FANCA: variants seen among roughly 807,000 people sequenced by gnomAD.
FANCA encodes the protein FA complementation group A, also known as Fanconi anemia group A protein.
FANCA carries 236 observed loss-of-function variants against 194.3 expected under a neutral mutation model. The ratio of observed to expected loss-of-function variants is 1.21; its 90% CI spans 1.09 to 1.35. The LOEUF (loss-of-function observed/expected upper bound fraction) is 1.35, where lower values mean the gene tolerates loss of function less well. Among genes scored for constraint, FANCA ranks in the 40% most tolerant of loss-of-function variants. The probability of loss-of-function intolerance (pLI) is 0.00; values close to 1 mark genes in which losing one functional copy is unlikely to be tolerated. For missense variants in FANCA, 2,628 were observed against 1,813.9 expected, an observed-to-expected ratio of 1.45 and a Z score of -8.15; for synonymous variants, 1,014 against 715.8, an observed-to-expected ratio of 1.42 and a Z score of -6.65.
Position 89,748,689 on chromosome 16 carries a change from C to T in FANCA, c.3318G>A (p.Glu1106=), listed in dbSNP as rs756244004. 6.2e-7 allele frequency: 1 copy of T among 1,614,130 alleles called. No individual in the cohort carries two copies. Residue 1106 remains glutamate, a synonymous_variant, in exon 33 of 43, where the codon GAG becomes GAA. Transcript: ENST00000389301. ...CAGAGTTGACCAAGTGGAAGAACTG[C>T]TCGCATCTGGCAGTGATGGGCTGTT... is the stretch of plus-strand genomic sequence containing the variant. ...QAEQPITARC[E]QFFHLVNSEM...
rs115396613 is a variant in FANCA, at chr16:89,740,952, G to C, written c.3766-86C>G. ...AAGGCTGACACATTCCTCTTTAATT[G>C]AAATTTTTTACATCTAGGCCATAAA... On this transcript the variant is annotated intron_variant, in intron 37 of 42. Coordinates refer to ENST00000389301, the MANE Select transcript of FANCA (RefSeq NM_000135.4). The C allele has an allele frequency of 2.6e-4, 331 of 1,273,582 alleles. 2 individuals carry two copies. The African/African-American group carries it at 4.2e-3, about 16-fold the overall frequency. 78.9% of individuals were successfully genotyped at this position (1,273,582 alleles called of 1,614,324 possible).
intron 31 of FANCA, among the ~76,000 whole-genome samples, chr16:89,751,315 C>T (rs1040093863): frequency 6.6e-6 from 1 of 152,166 alleles, no homozygotes; most frequent in Non-Finnish European, 1.5e-5. Context: ...GCCTGGGCAA[C>T]ATGGCAAAAC....
intron 35 of FANCA, among the ~76,000 whole-genome samples, chr16:89,745,872 G>C (rs555815519): frequency 3.3e-5 from 5 of 152,370 alleles, no homozygotes; most frequent in East Asian, 1.9e-4. Flanking sequence ...CCTCAGCTGA[G>C]AGGTGGCGTT....
rs1362930610 is a variant in FANCA, at chr16:89,740,569, G to A, written c.3828+235C>T. ...GAGAATTGCTTGAACCCAGGAGGCTGAGGTTGCAGTGAGCTGAGATCACAC... is the reference window on the plus strand; with the variant it reads ...GAGAATTGCTTGAACCCAGGAGGCTAAGGTTGCAGTGAGCTGAGATCACAC... On this transcript the variant is annotated intron_variant, in intron 38 of 42. Coordinates refer to ENST00000389301, the MANE Select transcript of FANCA (RefSeq NM_000135.4). The A allele has an allele frequency of 2.0e-5, 11 of 550,982 alleles. No individual in the cohort carries two copies. The South Asian group carries it at 2.1e-4, about 11-fold the overall frequency. 34.1% of individuals were successfully genotyped at this position (550,982 alleles called of 1,614,324 possible). A position where few individuals can be genotyped will look rare whatever the true frequency, so the allele number is the denominator to read the frequency against.
Position 89,799,633 on chromosome 16 carries a change from C to G in FANCA, c.798G>C (p.Thr266=), listed in dbSNP as rs767444643. 6.2e-7 allele frequency: 1 copy of G among 1,613,078 alleles called. No homozygotes were observed. The highest frequency in any genetic ancestry group is 8.5e-7 in the Non-Finnish European group (1 of 1,179,176). ...TCAGCATTCTCTGCAGTACATCAAC[C>G]GTGACCTGTCAAAATAGAATGTGAG... is the stretch of plus-strand genomic sequence containing the variant. ...TVEPEKMPQV[T]VDVLQRMLIF... is the part of the protein sequence containing the mutation. The change falls in exon 9 of 43, where the codon ACG becomes ACC. Residue 266 remains threonine, a synonymous_variant. Transcript: ENST00000389301.
intron 30 of FANCA, among the ~76,000 whole-genome samples, chr16:89,757,385 C>G (rs2143213404): frequency 6.6e-6 from 1 of 152,286 alleles, no homozygotes; most frequent in East Asian, 1.9e-4. Flanking sequence ...AGCCTCCATA[C>G]CTTCTGTGAG....
At chr16:89,802,395 C>A (rs1271120460) in intron 8 of FANCA, among the ~76,000 whole-genome samples, 1 of 151,802 alleles carries the variant, frequency 6.6e-6, no homozygotes, top group Middle Eastern at 3.4e-3. Context: ...AGCCATTGAG[C>A]CCAACCTCAG....
intron 6 of FANCA, among the ~76,000 whole-genome samples, chr16:89,806,302 G>T (rs924253956): frequency 1.3e-5 from 2 of 150,210 alleles, no homozygotes; most frequent in African/African-American, 4.9e-5. Flanking sequence ...GTGCTCCACA[G>T]TCAGTCAGGT....
At chr16:89,761,434 A>AAG (rs2038950535) in intron 29 of FANCA, among the ~76,000 whole-genome samples, 1 of 151,558 alleles carries the variant, frequency 6.6e-6, no homozygotes, top group Non-Finnish European at 1.5e-5. Context: ...AAAAAAAAAA[A>AAG]AAAGAAAAAC....
chr16:89,774,316 AGGGGAAGGAGGATCCTG>A lies in FANCA; in HGVS notation c.1901-949_1901-933del, dbSNP rs373122142. Among the ~76,000 whole-genome samples, 773 of 152,214 alleles carry A rather than the reference AGGGGAAGGAGGATCCTG, an allele frequency of 5.1e-3. 4 individuals carry two copies. The highest frequency in any genetic ancestry group is 8.3e-3 in the Non-Finnish European group (562 of 68,008). Reference sequence around the variant, plus strand: ...CAAAAGCTACGAACAAGTGGACCCCAGGGGAAGGAGGATCCTGGGGGAAGGAGGACACCTCTCAAGAG... The same window carrying A: ...CAAAAGCTACGAACAAGTGGACCCCAGGGGAAGGAGGACACCTCTCAAGAG... On this transcript the variant is annotated intron_variant, in intron 21 of 42. Transcript: ENST00000389301.
At chr16:89,751,430 C>G (rs965422903) in intron 31 of FANCA, among the ~76,000 whole-genome samples, 2 of 152,116 alleles carry the variant, frequency 1.3e-5, no homozygotes, top group African/African-American at 4.8e-5. Flanking sequence ...TATGATCGCA[C>G]CACTGTACTC....
Position 89,764,995 on chromosome 16 carries a change from A to G in FANCA, c.2673T>C (p.Leu891=). The G allele has an allele frequency of 6.2e-7, 1 of 1,614,234 alleles. No homozygotes were observed. The highest frequency in any genetic ancestry group is 1.1e-5 in the South Asian group (1 of 91,086). ...QPLSEEDVAS[L]SWRPLHLPSA... ...AAGGAAGGTGCAAGGGTCTCCAGGAAAGGCTGGCTACGTCCTCCTCAGAAA... is the reference window on the plus strand; with the variant it reads ...AAGGAAGGTGCAAGGGTCTCCAGGAGAGGCTGGCTACGTCCTCCTCAGAAA... The change falls in exon 28 of 43, where the codon CTT becomes CTC. Residue 891 remains leucine (L), a synonymous_variant. Coordinates refer to ENST00000389301, the MANE Select transcript of FANCA (RefSeq NM_000135.4).
In FANCA at chr16:89,746,704, C is replaced by G. The variant is rs1340274026; in HGVS notation, c.3409-16G>C. ...TCAGGAGGCCCTGCAGGAGAGAACG[C>G]AGCAGGAGGTCAGCGGTTTGTGAGG... On this transcript the variant is annotated splice_polypyrimidine_tract_variant and intron_variant, in intron 34 of 42. Coordinates refer to ENST00000389301, the MANE Select transcript of FANCA (RefSeq NM_000135.4). 6.2e-7 allele frequency: 1 copy of G among 1,612,854 alleles called. No homozygotes were observed. Among genetic ancestry groups the G allele is most frequent in the African/African-American group, 1.3e-5 (1 of 74,892 alleles).
intron 5 of FANCA, among the ~76,000 whole-genome samples, chr16:89,810,322 CAAA>C (rs71391246): frequency 4.7e-5 from 4 of 84,938 alleles, no homozygotes; most frequent in Admixed American, 2.7e-4. Flanking sequence ...GACTTCGTCT[CAAA>C]AAAAAAAAAA....
chr16:89,767,461 G>C (rs529338218), intron 26 of FANCA, among the ~76,000 whole-genome samples: 1 of 152,194 alleles, frequency 6.6e-6, no homozygotes, highest in Admixed American at 6.5e-5. Flanking sequence ...TCTGCCTCCC[G>C]GGTTCAAGCG....
chr16:89,748,702 G>C lies in FANCA; in HGVS notation c.3305C>G (p.Thr1102Ser), dbSNP rs771117949. ...GSSFQAEQPITARCEQFFHLV... is the reference protein window; with the variant it reads ...GSSFQAEQPISARCEQFFHLV... ...GTGGAAGAACTGCTCGCATCTGGCA[G>C]TGATGGGCTGTTCTGCCTGGAAGCT... is the stretch of plus-strand genomic sequence containing the variant. Residue 1102 changes from threonine (T) to serine (S), a missense_variant, in exon 33 of 43, where the codon ACT (threonine) becomes AGT (serine). Coordinates refer to ENST00000389301, the MANE Select transcript of FANCA (RefSeq NM_000135.4). 2.5e-6 allele frequency: 4 copies of C among 1,614,180 alleles called. No individual in the cohort carries two copies. In the Admixed American group the frequency reaches 5.0e-5, roughly 20 times the overall value.
chr16:89,759,114 A>C (rs1054361853), intron 29 of FANCA, among the ~76,000 whole-genome samples: 9 of 151,708 alleles, frequency 5.9e-5, no homozygotes, highest in Non-Finnish European at 2.9e-5. Flanking sequence ...AGGTTAGGAG[A>C]TCGAGACCAT....
chr16:89,770,013 C>G lies in FANCA; in HGVS notation c.2328G>C (p.Leu776=). Residue 776 remains leucine (L), a synonymous_variant, in exon 26 of 43, where the codon CTG becomes CTC. Transcript: ENST00000389301. The stretch of plus-strand genomic sequence containing the variant: ...CCAACCCCAGCACATGTGGGGCACT[C>G]AGGCTCGGGCCCTGCAACGAGAATG... ...CQLLRHQGPS[L]SAPHVLGLAA... is the part of the protein sequence containing the mutation. 5 of 1,613,586 alleles carry G rather than the reference C, an allele frequency of 3.1e-6. No homozygotes were observed. The highest frequency in any genetic ancestry group is 4.2e-6 in the Non-Finnish European group (5 of 1,179,936).
intron 6 of FANCA, 80 bp from the exon 7 acceptor site, chr16:89,805,472 T>C (rs2040606999): frequency 2.1e-6 from 2 of 937,632 alleles, no homozygotes; most frequent in Admixed American, 4.4e-5. Context: ...TATGTCCCAA[T>C]TTTTTTTTTG....
Sources: gnomAD v4.1 joint callset for allele counts (sites outside exome capture counted in the v4.1 genomes callset) on GRCh38, gnomAD v4.1.1 for gene constraint, MANE v1.5 for transcripts, NCBI Gene and HGNC (gene_info 2026-07-23, HGNC 2026-07-21) for gene names.